TRPS1: variants seen among roughly 807,000 people sequenced by gnomAD.
The protein encoded by TRPS1 is zinc finger transcription factor Trps1.
TRPS1 carries 6 observed loss-of-function variants against 101.2 expected under a neutral mutation model. The observed-to-expected ratio is 0.06, with a 90% CI of 0.03 to 0.12. The LOEUF (loss-of-function observed/expected upper bound fraction) is 0.12. TRPS1 is among the 10% of genes least tolerant of loss of function. The pLI is 1.00. For synonymous variants in TRPS1, 578 were observed against 589.8 expected, an observed-to-expected ratio of 0.98 and a Z score of 0.29; for missense variants, 1,363 against 1,567.0, an observed-to-expected ratio of 0.87 and a Z score of 2.20.
At chr8:115,612,336 G>C (rs1818189535) in intron 3 of TRPS1, among the ~76,000 whole-genome samples, 1 of 152,058 alleles carries the variant, frequency 6.6e-6, no homozygotes. Flanking sequence ...GATAAAGCTA[G>C]AACAACAGAA....
intron 1 of TRPS1, among the ~76,000 whole-genome samples, chr8:115,656,922 A>G (rs1222926801): frequency 1.3e-5 from 2 of 152,188 alleles, no homozygotes; most frequent in East Asian, 3.8e-4. Context: ...TTTAAAAGAA[A>G]AAAACTAAAC....
intron 5 of TRPS1, among the ~76,000 whole-genome samples, chr8:115,543,753 A>T (rs1035285423): frequency 6.6e-6 from 1 of 152,158 alleles, no homozygotes; most frequent in Non-Finnish European, 1.5e-5. Flanking sequence ...AATCTAACTT[A>T]AATTAGCCTG....
At chr8:115,563,392 C>T (rs557461048) in intron 5 of TRPS1, among the ~76,000 whole-genome samples, 18 of 152,166 alleles carry the variant, frequency 1.2e-4, no homozygotes, top group African/African-American at 3.4e-4. Context: ...TTACAAAATA[C>T]TTATTTCAGA....
chr8:115,510,670 C>T (rs144931250), intron 5 of TRPS1, among the ~76,000 whole-genome samples: 2 of 151,940 alleles, frequency 1.3e-5, no homozygotes, highest in African/African-American at 4.8e-5. Flanking sequence ...ATGTATTTCA[C>T]ATCCTGAAAA....
At chr8:115,467,972 C>T (rs894636675) in intron 5 of TRPS1, among the ~76,000 whole-genome samples, 25 of 152,308 alleles carry the variant, frequency 1.6e-4, no homozygotes, top group African/African-American at 5.8e-4. Context: ...AGGCAGCCTC[C>T]TCCACAGCCT....
intron 5 of TRPS1, among the ~76,000 whole-genome samples, chr8:115,500,616 C>G (rs1815292411): frequency 6.6e-6 from 1 of 152,160 alleles, no homozygotes; most frequent in South Asian, 2.1e-4. Context: ...GTCACCCAGG[C>G]TGGAGTACTG....
At chr8:115,562,560 GA>G (rs1283500277) in intron 5 of TRPS1, among the ~76,000 whole-genome samples, 1 of 150,834 alleles carries the variant, frequency 6.6e-6, no homozygotes. Context: ...TATATAAGGG[GA>G]AAAAATGTTG....
chr8:115,502,873 T>C (rs1326042892), intron 5 of TRPS1, among the ~76,000 whole-genome samples: 1 of 152,166 alleles, frequency 6.6e-6, no homozygotes, highest in Non-Finnish European at 1.5e-5. Flanking sequence ...AAATTTTCAA[T>C]ACAAAGACCC....
At chr8:115,416,223 G>A (rs987343155) in intron 6 of TRPS1, among the ~76,000 whole-genome samples, 4 of 151,776 alleles carry the variant, frequency 2.6e-5, no homozygotes, top group Non-Finnish European at 4.4e-5. Context: ...TGGTATTTAT[G>A]GACATGTTCA....
chr8:115,503,237 G>C (rs1242079625), intron 5 of TRPS1, among the ~76,000 whole-genome samples: 1 of 131,588 alleles, frequency 7.6e-6, no homozygotes, highest in African/African-American at 2.9e-5. Context: ...CCCAGCCCGG[G>C]AGACAGAGCA....
At chr8:115,652,347 G>C (rs1372781228) in intron 1 of TRPS1, among the ~76,000 whole-genome samples, 1 of 152,152 alleles carries the variant, frequency 6.6e-6, no homozygotes, top group East Asian at 1.9e-4. Context: ...ACCCAGATTT[G>C]GGGATTCAAT....
chr8:115,646,123 A>G (rs566322639), intron 1 of TRPS1, among the ~76,000 whole-genome samples: 69 of 152,302 alleles, frequency 4.5e-4, no homozygotes, highest in African/African-American at 1.6e-3. Context: ...TAGAAACAGA[A>G]CAATCATTAT....
At chr8:115,584,361 T>C (rs1817518788) in intron 5 of TRPS1, among the ~76,000 whole-genome samples, 1 of 152,040 alleles carries the variant, frequency 6.6e-6, no homozygotes, top group African/African-American at 2.4e-5. Flanking sequence ...TCTGATAGTT[T>C]ACATTTCTTA....
chr8:115,643,439 T>C (rs1818948271), intron 1 of TRPS1, among the ~76,000 whole-genome samples: 1 of 152,242 alleles, frequency 6.6e-6, no homozygotes, highest in Non-Finnish European at 1.5e-5. Context: ...TCACAGCATT[T>C]CCACCAGGAA....
intron 1 of TRPS1, among the ~76,000 whole-genome samples, chr8:115,660,336 A>T (rs1811763536): frequency 6.6e-6 from 1 of 151,946 alleles, no homozygotes; most frequent in Admixed American, 6.6e-5. Context: ...AATCCTTTTG[A>T]TCTTTCTTTT....
chr8:115,521,817 CA>C lies in TRPS1; in HGVS notation c.2700+65183del, dbSNP rs1426042179. Reference sequence around the variant, plus strand: ...AAGGTAAATATTCAAACTACTATGACATTTTTTATAATTTTGGTTTGAAAAC... The same window carrying C: ...AAGGTAAATATTCAAACTACTATGACTTTTTTATAATTTTGGTTTGAAAAC... On this transcript the variant is annotated intron_variant, in intron 5 of 6. Coordinates refer to ENST00000395715, the MANE Select transcript of TRPS1 (RefSeq NM_014112.5). Among the ~76,000 whole-genome samples the C allele has an allele frequency of 3.2e-3, 489 of 151,940 alleles. 3 individuals carry two copies. The highest frequency in any genetic ancestry group is 0.011 in the African/African-American group (467 of 41,502).
chr8:115,540,931 C>G (rs772108764), intron 5 of TRPS1, among the ~76,000 whole-genome samples: 6 of 152,102 alleles, frequency 3.9e-5, no homozygotes, highest in Non-Finnish European at 5.9e-5. Flanking sequence ...CACACTTAAT[C>G]TGACACCTCA....
chr8:115,581,316 C>T (rs557491043), intron 5 of TRPS1, among the ~76,000 whole-genome samples: 7 of 151,982 alleles, frequency 4.6e-5, no homozygotes, highest in East Asian at 1.9e-4. Context: ...TATAGCTAGA[C>T]GGGAGGAGTA....
At chr8:115,506,065 T>C (rs192898574) in intron 5 of TRPS1, among the ~76,000 whole-genome samples, 271 of 152,218 alleles carry the variant, frequency 1.8e-3, no homozygotes, top group Non-Finnish European at 3.0e-3. Flanking sequence ...AGTCAAAATA[T>C]ATTTATTTGC....
Sources: gnomAD v4.1 joint callset for allele counts (sites outside exome capture counted in the v4.1 genomes callset) on GRCh38, gnomAD v4.1.1 for gene constraint, MANE v1.5 for transcripts, NCBI Gene and HGNC (gene_info 2026-07-23, HGNC 2026-07-21) for gene names.